The following MLKL variants were observed in gnomAD, a reference collection of about 807,000 sequenced individuals.
The protein encoded by MLKL is mixed lineage kinase domain like pseudokinase.
Under a neutral mutation model 56.5 loss-of-function variants are expected in MLKL, and 55 were observed. The ratio of observed to expected loss-of-function variants is 0.97; its 90% CI spans 0.78 to 1.22. The LOEUF (loss-of-function observed/expected upper bound fraction) is 1.22, where lower values mean the gene tolerates loss of function less well. MLKL is among the 50% of genes most tolerant of loss of function. MLKL has a pLI of 0.00. For missense variants in MLKL, 694 were observed against 573.9 expected, an observed-to-expected ratio of 1.21 and a Z score of -2.14; for synonymous variants, 251 against 208.3, an observed-to-expected ratio of 1.20 and a Z score of -1.76.
At chr16:74,679,319 G>A (rs781364755) in intron 6 of MLKL, among the ~76,000 whole-genome samples, 1 of 152,192 alleles carries the variant, frequency 6.6e-6, no homozygotes, top group Non-Finnish European at 1.5e-5. Context: ...TGGCTGGGTG[G>A]CTGGACCTTG....
At chr16:74,679,779 T>C (rs4888275) in intron 6 of MLKL, among the ~76,000 whole-genome samples, 94,936 of 151,872 alleles carry the variant, frequency 0.63, 29,764 homozygotes, top group East Asian at 0.75. Context: ...CACGCCACTA[T>C]ACTCCAGCCT....
chr16:74,692,720 A>G (rs920522163), intron 2 of MLKL, among the ~76,000 whole-genome samples: 6 of 152,258 alleles, frequency 3.9e-5, no homozygotes, highest in Non-Finnish European at 8.8e-5. Context: ...GGAAGTGAGG[A>G]AAGTTTGCGT....
chr16:74,696,444 T>A (rs900417729), intron 1 of MLKL, among the ~76,000 whole-genome samples: 1 of 151,580 alleles, frequency 6.6e-6, no homozygotes, highest in Non-Finnish European at 1.5e-5. Context: ...ATGTGGACTA[T>A]CTTTCATTTT....
intron 3 of MLKL, 44 bp downstream of exon 3, chr16:74,692,298 T>C: frequency 3.2e-6 from 5 of 1,539,992 alleles, no homozygotes; most frequent in Non-Finnish European, 4.5e-6. Flanking sequence ...TGATGACTTC[T>C]AGTTTGGGGG....
At position 74,672,515 on chromosome 16, in the gene MLKL, A is replaced by C; in HGVS notation, c.1405T>G (p.Phe469Val). 6.2e-7 allele frequency: 1 copy of C among 1,613,966 alleles called. No individual in the cohort carries two copies. Among genetic ancestry groups the C allele is most frequent in the South Asian group, 1.1e-5 (1 of 91,080 alleles). The change falls in exon 11 of 11, where the codon TTT becomes GTT. Residue 469 changes from phenylalanine to valine, a missense_variant. Transcript: ENST00000308807. ...VDEILKKLSTFSK is the reference protein window; with the variant it reads ...VDEILKKLSTVSK ...TAGATTTTGATACACTACTTAGAAA[A>C]GGTGGAGAGTTTCTTTAAGATTTCT...
chr16:74,694,338 A>G (rs1597511472), intron 2 of MLKL, among the ~76,000 whole-genome samples: 2 of 152,288 alleles, frequency 1.3e-5, no homozygotes, highest in East Asian at 3.9e-4. Flanking sequence ...TGAAGGTCTC[A>G]TGTCCTCAGA....
intron 7 of MLKL, chr16:74,677,949 G>C (rs1238445456): frequency 6.6e-6 from 1 of 152,326 alleles, no homozygotes; most frequent in African/African-American, 2.4e-5. Flanking sequence ...CTAAGTGTTG[G>C]GATTACAGGC....
chr16:74,697,493 A>C (rs1264292725), intron 1 of MLKL, among the ~76,000 whole-genome samples: 1 of 152,122 alleles, frequency 6.6e-6, no homozygotes. Context: ...CACCTACTAC[A>C]TCCTAAGTGC....
intron 6 of MLKL, among the ~76,000 whole-genome samples, chr16:74,680,416 C>A (rs1010448367): frequency 6.6e-6 from 1 of 152,122 alleles, no homozygotes; most frequent in African/African-American, 2.4e-5. Context: ...GGGAAAATTA[C>A]TCTCCTTTCA....
chr16:74,695,699 T>A lies in MLKL; in HGVS notation c.59A>T (p.Glu20Val). 1 of 1,614,028 alleles carries A rather than the reference T, an allele frequency of 6.2e-7. No homozygotes were observed. The highest frequency in any genetic ancestry group is 8.5e-7 in the Non-Finnish European group (1 of 1,180,018). Reference protein sequence around the residue: ...LGQVIHKRCEEMKYCKKQCRR... With the variant: ...LGQVIHKRCEVMKYCKKQCRR... ...GCACTGTTTCTTGCAGTATTTCATC[T>A]CTTCACACCGTTTGTGGATGACCTG... is the stretch of plus-strand genomic sequence containing the variant. The change falls in exon 2 of 11, where the codon GAG (glutamate) becomes GTG (valine). Residue 20 changes from glutamate to valine, a missense_variant. Coordinates refer to ENST00000308807, the MANE Select transcript of MLKL (RefSeq NM_152649.4).
At chr16:74,681,256 C>T (rs1032215361) in intron 6 of MLKL, among the ~76,000 whole-genome samples, 1 of 151,900 alleles carries the variant, frequency 6.6e-6, no homozygotes, top group Non-Finnish European at 1.5e-5. Flanking sequence ...CAACTCCTGA[C>T]CTCAAGTGAT....
chr16:74,679,392 C>T (rs1700163925), intron 6 of MLKL, among the ~76,000 whole-genome samples: 1 of 152,134 alleles, frequency 6.6e-6, no homozygotes, highest in African/African-American at 2.4e-5. Flanking sequence ...CAGACAAGGG[C>T]TTTGGTTTCA....
At chr16:74,696,056 T>A (rs986832854) in intron 1 of MLKL, among the ~76,000 whole-genome samples, 10 of 152,188 alleles carry the variant, frequency 6.6e-5, no homozygotes, top group African/African-American at 2.4e-4. Flanking sequence ...TGTGACCTGC[T>A]CTACTTCGGA....
At position 74,692,381 on chromosome 16, in the gene MLKL, C is replaced by G. The variant is rs759186839; in HGVS notation, c.496G>C (p.Glu166Gln). ...EKIEASLRRL[E>Q]INMKEIKETL... ...TCCTTGATTTCTTTCATGTTGATTT[C>G]TAATCGTCTCAGTGAAGCTTCTATT... is the stretch of plus-strand genomic sequence containing the variant. Residue 166 changes from glutamate to glutamine, a missense_variant, in exon 3 of 11, where the codon GAA (glutamate) becomes CAA (glutamine). Coordinates refer to ENST00000308807, the MANE Select transcript of MLKL (RefSeq NM_152649.4). 13 of 1,613,758 alleles carry G rather than the reference C, an allele frequency of 8.1e-6. No individual in the cohort carries two copies. In the East Asian group the frequency reaches 2.5e-4, roughly 30 times the overall value.
chr16:74,690,781 CAAAAAAAAAAAAAAAA>C (rs58597472), intron 4 of MLKL, among the ~76,000 whole-genome samples: 2 of 49,906 alleles, frequency 4.0e-5, no homozygotes, highest in Non-Finnish European at 6.6e-5. Flanking sequence ...GACCTTGTCT[CAAAAAAAAAAAAAAAA>C]AAAAAAAAAA....
At chr16:74,696,741 T>G (rs1422942251) in intron 1 of MLKL, among the ~76,000 whole-genome samples, 3 of 151,468 alleles carry the variant, frequency 2.0e-5, no homozygotes, top group African/African-American at 7.3e-5. Context: ...GCGGATCACT[T>G]GAGGTCAGGA....
At chr16:74,688,689 G>A (rs1349919541) in intron 4 of MLKL, among the ~76,000 whole-genome samples, 3 of 152,018 alleles carry the variant, frequency 2.0e-5, no homozygotes, top group Non-Finnish European at 4.4e-5. Flanking sequence ...CTCCAGCCTG[G>A]GTGACAGAGC....
Position 74,672,414 on chromosome 16 carries a change from C to T in MLKL, c.*90G>A. 1.6e-6 allele frequency: 2 copies of T among 1,256,904 alleles called. No homozygotes were observed. Among genetic ancestry groups the T allele is most frequent in the South Asian group, 1.2e-5 (1 of 80,398 alleles). The allele number at this position is 1,256,904 out of a possible 1,614,324, so 77.9% of individuals were successfully genotyped here. On this transcript the variant is annotated 3_prime_UTR_variant, in exon 11 of 11. Coordinates refer to ENST00000308807, the MANE Select transcript of MLKL (RefSeq NM_152649.4). ...CCACTCCTTGCACCCATAGATAACC[C>T]AATGCCGAAGGATATGAGAGAGAGA...
In MLKL at chr16:74,678,878, GC is replaced by G; in HGVS notation, c.1038+20del. ...CAGTCATGCAGGTTTGACCCAAAGC[GC>G]CCCCGCAAGGCACACTCACCTTCAC... On this transcript the variant is annotated intron_variant, in intron 7 of 10. Transcript: ENST00000308807. The G allele has an allele frequency of 6.2e-7, 1 of 1,605,986 alleles. No individual in the cohort carries two copies. The highest frequency in any genetic ancestry group is 8.5e-7 in the Non-Finnish European group (1 of 1,172,734).
Sources: gnomAD v4.1 joint callset for allele counts (sites outside exome capture counted in the v4.1 genomes callset) on GRCh38, gnomAD v4.1.1 for gene constraint, MANE v1.5 for transcripts, NCBI Gene and HGNC (gene_info 2026-07-23, HGNC 2026-07-21) for gene names.